The following ZNF157 variants were observed in gnomAD, a reference collection of about 807,000 sequenced individuals.
ZNF157 encodes zinc finger protein 157.
Under a neutral mutation model 9.4 loss-of-function variants are expected in ZNF157, and 8 were observed. The observed-to-expected ratio is 0.85, with a 90% CI of 0.50 to 1.53. The LOEUF (loss-of-function observed/expected upper bound fraction) is 1.53. Ranked by LOEUF, ZNF157 falls within the 40% of genes most tolerant of loss-of-function variation. ZNF157 has a pLI of 0.00. For synonymous variants in ZNF157, 120 were observed against 130.8 expected (o/e 0.92, Z 0.56); for missense variants, 316 against 385.2 (o/e 0.82, Z 1.50).
intron 1 of ZNF157, chrX:47,392,111 G>C (rs767635688): frequency 9.1e-6 from 1 of 109,686 alleles, no homozygotes; most frequent in African/African-American, 3.3e-5. Flanking sequence ...GGATGGTCTC[G>C]ATCTCCTGAG....
At chrX:47,409,939 G>A (rs760190655) in intron 1 of ZNF157, among the ~76,000 whole-genome samples, 9 of 111,738 alleles carry the variant, frequency 8.1e-5, no homozygotes, top group South Asian at 3.7e-4. Context: ...GTGAGCCACC[G>A]CGCCCAGCCT....
intron 1 of ZNF157, among the ~76,000 whole-genome samples, chrX:47,403,733 A>C (rs1341769875): frequency 8.9e-6 from 1 of 112,355 alleles, no homozygotes; most frequent in African/African-American, 3.2e-5. Context: ...GCCAGCACTG[A>C]GATGATACAG....
intron 1 of ZNF157, among the ~76,000 whole-genome samples, chrX:47,404,321 T>C (rs1316822110): frequency 1.8e-5 from 2 of 108,310 alleles, no homozygotes; most frequent in African/African-American, 3.3e-5. Flanking sequence ...CGCACCACCA[T>C]GCCCTGCTAA....
chrX:47,389,418 C>T (rs1202697798), intron 1 of ZNF157, among the ~76,000 whole-genome samples: 2 of 107,667 alleles, frequency 1.9e-5, no homozygotes, highest in African/African-American at 3.4e-5. Flanking sequence ...GGCCTGATCA[C>T]AGCTCACTGC....
chrX:47,377,019 A>G (rs745902944), intron 1 of ZNF157, among the ~76,000 whole-genome samples: 4 of 110,741 alleles, frequency 3.6e-5, no homozygotes, highest in Non-Finnish European at 5.7e-5. Flanking sequence ...CCCTCTCTAA[A>G]CTGCTCCTAA....
chrX:47,392,591 C>T (rs888965729), intron 1 of ZNF157, among the ~76,000 whole-genome samples: 2 of 111,602 alleles, frequency 1.8e-5, no homozygotes, highest in Non-Finnish European at 3.8e-5. Flanking sequence ...GTTCTCTAGC[C>T]TCCAAATTTA....
At position 47,412,788 on chromosome X, in the gene ZNF157, A is replaced by T; in HGVS notation, c.715A>T (p.Thr239Ser). ...RKSQLILHTR[T>S]HTGERPYECT... is the part of the protein sequence containing the mutation. ...GTCACAACTCATCCTACATACAAGA[A>T]CACACACTGGAGAGAGACCCTATGA... The change falls in exon 4 of 4, where the codon ACA (threonine) becomes TCA (serine). Residue 239 changes from threonine to serine, a missense_variant. This residue lies in a region of ZNF157 where 146 missense variants were observed against 183.8 expected (regional missense o/e 0.79). Transcript: ENST00000377073. The T allele has an allele frequency of 1.6e-6, 2 of 1,212,180 alleles. No homozygotes were observed. Among genetic ancestry groups the T allele is most frequent in the Non-Finnish European group, 2.2e-6 (2 of 895,628 alleles).
At chrX:47,373,005 G>T (rs2055833153) in intron 1 of ZNF157, among the ~76,000 whole-genome samples, 1 of 107,788 alleles carries the variant, frequency 9.3e-6, no homozygotes, top group Non-Finnish European at 1.9e-5. Context: ...TTCAAGACTA[G>T]CCTGACCAAC....
intron 1 of ZNF157, among the ~76,000 whole-genome samples, chrX:47,399,099 G>A (rs778545722): frequency 2.7e-5 from 3 of 112,434 alleles, no homozygotes; most frequent in Admixed American, 9.5e-5. Flanking sequence ...ACCGTGTCCA[G>A]CCTATTCTTT....
intron 1 of ZNF157, among the ~76,000 whole-genome samples, chrX:47,396,693 C>T (rs1397017696): frequency 9.0e-6 from 1 of 111,706 alleles, no homozygotes; most frequent in Non-Finnish European, 1.9e-5. Flanking sequence ...TGGGGTGACC[C>T]AAACCTTTAT....
intron 1 of ZNF157, among the ~76,000 whole-genome samples, chrX:47,371,145 C>T (rs1312534098): frequency 9.0e-6 from 1 of 111,056 alleles, no homozygotes; most frequent in African/African-American, 3.3e-5. Flanking sequence ...TGAGACCAGC[C>T]TGGCCAACAT....
At position 47,395,372 on chromosome X, in the gene ZNF157, C is replaced by T. The variant is rs1480942331; in HGVS notation, c.73-14904C>T. Reference sequence around the variant, plus strand: ...GCTTAATTGTAGATGTTAATCACATCTACAAAATACCTTCACAGCAACACC... The same window carrying T: ...GCTTAATTGTAGATGTTAATCACATTTACAAAATACCTTCACAGCAACACC... On this transcript the variant is annotated intron_variant, in intron 1 of 3. Transcript: ENST00000377073. Among the ~76,000 whole-genome samples the T allele has an allele frequency of 8.1e-5, 9 of 111,542 alleles. No individual in the cohort carries two copies. In the Admixed American group the frequency reaches 8.7e-4, roughly 11 times the overall value.
At chrX:47,406,568 T>C (rs6609495) in intron 1 of ZNF157, among the ~76,000 whole-genome samples, 6,703 of 111,046 alleles carry the variant, frequency 0.06, 493 homozygotes, top group African/African-American at 0.2. Context: ...AGAGACAGGG[T>C]TTCGCCATGT....
intron 1 of ZNF157, among the ~76,000 whole-genome samples, chrX:47,405,608 G>A (rs1453080876): frequency 9.0e-6 from 1 of 111,345 alleles, no homozygotes; most frequent in Non-Finnish European, 1.9e-5. Context: ...TTTTAATCAT[G>A]TCTCTTGTAT....
chrX:47,403,741 CAG>C (rs1481426614), intron 1 of ZNF157, among the ~76,000 whole-genome samples: 4 of 112,152 alleles, frequency 3.6e-5, no homozygotes, highest in Non-Finnish European at 7.5e-5. Context: ...TGAGATGATA[CAG>C]AGTTTAGAAT....
intron 1 of ZNF157, chrX:47,390,259 A>G (rs2055892921): frequency 8.9e-6 from 1 of 111,825 alleles, no homozygotes. Flanking sequence ...GGATGAGCAT[A>G]CCTTGGATAT....
At chrX:47,411,492 C>A (rs2055965025) in intron 3 of ZNF157, among the ~76,000 whole-genome samples, 1 of 109,853 alleles carries the variant, frequency 9.1e-6, no homozygotes, top group African/African-American at 3.3e-5. Context: ...GTAGCTGGGA[C>A]TACAGGCACG....
chrX:47,397,251 T>G (rs1325054979), intron 1 of ZNF157, among the ~76,000 whole-genome samples: 2 of 97,371 alleles, frequency 2.1e-5, no homozygotes, highest in Non-Finnish European at 4.2e-5. Context: ...CTTTTTTTTT[T>G]TTTTTTTTTG....
intron 1 of ZNF157, among the ~76,000 whole-genome samples, chrX:47,388,033 C>A (rs765671571): frequency 4.6e-5 from 5 of 109,106 alleles, no homozygotes; most frequent in Non-Finnish European, 9.5e-5. Context: ...ACAGAGAAAT[C>A]AGTAATTCCT....
Sources: gnomAD v4.1 joint callset for allele counts (sites outside exome capture counted in the v4.1 genomes callset) on GRCh38, gnomAD v4.1.1 for gene constraint, gnomAD v4.1.1 regional missense constraint, MANE v1.5 for transcripts, NCBI Gene and HGNC (gene_info 2026-07-23, HGNC 2026-07-21) for gene names.